MYO5A: variants seen among roughly 807,000 people sequenced by gnomAD.
MYO5A encodes the protein unconventional myosin-Va.
MYO5A carries 98 observed loss-of-function variants against 249.7 expected under a neutral mutation model. That is an observed-to-expected ratio of 0.39 (90% CI 0.33 to 0.46). MYO5A has a LOEUF of 0.46. Ranked by LOEUF, MYO5A falls within the 20% of genes least tolerant of loss-of-function variation. The pLI is 0.98. For missense variants in MYO5A, 1,696 were observed against 2,308.8 expected (o/e 0.73, Z 5.44); for synonymous variants, 778 against 810.6 (o/e 0.96, Z 0.68).
intron 1 of MYO5A, among the ~76,000 whole-genome samples, chr15:52,508,882 C>T (rs1438321718): frequency 6.6e-6 from 1 of 152,016 alleles, no homozygotes; most frequent in African/African-American, 2.4e-5. Context: ...TTCTTATCTA[C>T]CAAAAAAAAC....
chr15:52,498,098 C>T (rs750511405), intron 1 of MYO5A, among the ~76,000 whole-genome samples: 3 of 151,926 alleles, frequency 2.0e-5, no homozygotes, highest in Non-Finnish European at 4.4e-5. Flanking sequence ...ACAACAAAAA[C>T]TCATAATCAG....
At chr15:52,421,253 C>G (rs890411191) in intron 4 of MYO5A, among the ~76,000 whole-genome samples, 2 of 152,110 alleles carry the variant, frequency 1.3e-5, no homozygotes, top group African/African-American at 4.8e-5. Context: ...CCGTGGCACA[C>G]CCTGAGACCA....
rs1289883007 is a variant in MYO5A, at chr15:52,308,059, A to C, written c.*5637T>G. ...AACTGCTGACTCTGAAAAATGCATA[A>C]AAATATACTAACCTGCCAAGCACTG... On this transcript the variant is annotated 3_prime_UTR_variant, in exon 42 of 42. Transcript: ENST00000399233. 1 of 152,194 alleles carries C rather than the reference A, an allele frequency of 6.6e-6. No individual in the cohort carries two copies. Among genetic ancestry groups the C allele is most frequent in the Non-Finnish European group, 1.5e-5 (1 of 68,012 alleles). The allele number at this position is 152,194 out of a possible 1,614,324, so 9.4% of individuals were successfully genotyped here. A position where few individuals can be genotyped will look rare whatever the true frequency, so the allele number is the denominator to read the frequency against.
intron 35 of MYO5A, among the ~76,000 whole-genome samples, 172 bp from the exon 36 acceptor site, chr15:52,328,178 G>A (rs2038697968): frequency 6.6e-6 from 1 of 152,300 alleles, no homozygotes; most frequent in South Asian, 2.1e-4. Context: ...GGAATGTGGA[G>A]CATGTCCATA....
intron 1 of MYO5A, among the ~76,000 whole-genome samples, chr15:52,515,887 T>C (rs2077485789): frequency 6.6e-6 from 1 of 151,788 alleles, no homozygotes; most frequent in Admixed American, 6.6e-5. Flanking sequence ...TAAGGTGCAA[T>C]AGGAGGTAAG....
chr15:52,438,134 C>T, intron 1 of MYO5A: 2 of 797,354 alleles, frequency 2.5e-6, no homozygotes, highest in Non-Finnish European at 3.0e-6. Context: ...ACCTTAGATG[C>T]TGAAACAGGG....
At chr15:52,485,397 T>C (rs2076798961) in intron 1 of MYO5A, among the ~76,000 whole-genome samples, 1 of 152,150 alleles carries the variant, frequency 6.6e-6, no homozygotes. Flanking sequence ...ATTAGAATCC[T>C]AGAGAGTTCA....
chr15:52,339,562 ACAGT>A (rs966586120), intron 32 of MYO5A, among the ~76,000 whole-genome samples: 23 of 152,212 alleles, frequency 1.5e-4, no homozygotes, highest in Admixed American at 1.2e-3. Flanking sequence ...AGAAAAGAAA[ACAGT>A]CAGACTCCAT....
intron 18 of MYO5A, among the ~76,000 whole-genome samples, chr15:52,378,322 A>T (rs1413545448): frequency 2.0e-5 from 3 of 151,882 alleles, no homozygotes; most frequent in African/African-American, 7.3e-5. Context: ...GGAGTTCAAG[A>T]CCAGCCTGGC....
chr15:52,316,467 A>C (rs1057207218), intron 40 of MYO5A, among the ~76,000 whole-genome samples: 11 of 152,084 alleles, frequency 7.2e-5, no homozygotes, highest in African/African-American at 2.7e-4. Flanking sequence ...CTTACTACAG[A>C]ATTTGCTAGA....
intron 1 of MYO5A, among the ~76,000 whole-genome samples, chr15:52,496,557 G>A (rs2077041668): frequency 6.6e-6 from 1 of 152,146 alleles, no homozygotes; most frequent in Admixed American, 6.5e-5. Context: ...TATTCATTAA[G>A]GAAGAAAAGC....
chr15:52,338,315 T>C (rs945058466), intron 32 of MYO5A, among the ~76,000 whole-genome samples: 4 of 151,782 alleles, frequency 2.6e-5, no homozygotes, highest in African/African-American at 9.7e-5. Flanking sequence ...TGTTAGCTTG[T>C]GAAGCTGGAG....
chr15:52,432,560 T>C (rs949648832), intron 2 of MYO5A, among the ~76,000 whole-genome samples: 16 of 152,204 alleles, frequency 1.1e-4, no homozygotes, highest in Non-Finnish European at 1.9e-4. Context: ...CTTAATGACT[T>C]TGAAGTTTGG....
intron 27 of MYO5A, 78 bp from the exon 28 acceptor site, chr15:52,351,559 G>A: frequency 1.4e-6 from 2 of 1,386,748 alleles, no homozygotes; most frequent in East Asian, 4.6e-5. Context: ...TCCCAAGCTG[G>A]TAGAAGAATT....
intron 11 of MYO5A, among the ~76,000 whole-genome samples, chr15:52,392,486 G>A (rs1476586244): frequency 1.3e-5 from 2 of 152,216 alleles, no homozygotes; most frequent in African/African-American, 4.8e-5. Context: ...AATGCTTTCA[G>A]CATAACAAAG....
chr15:52,338,137 C>T (rs1292742410), intron 32 of MYO5A, among the ~76,000 whole-genome samples: 1 of 151,048 alleles, frequency 6.6e-6, no homozygotes, highest in African/African-American at 2.5e-5. Context: ...ACTTAGCAGG[C>T]CCAGATAAGG....
At chr15:52,383,962 C>T (rs1032065795) in intron 15 of MYO5A, among the ~76,000 whole-genome samples, 199 bp downstream of exon 15, 3 of 152,176 alleles carry the variant, frequency 2.0e-5, no homozygotes, top group African/African-American at 2.4e-5. Flanking sequence ...AAAATTATTT[C>T]GGGAAAGGCT....
At position 52,392,019 on chromosome 15, in the gene MYO5A, T is replaced by C. The variant is rs1192605843; in HGVS notation, c.1453A>G (p.Thr485Ala). ...TGATTATCATAAAAATCTATGAGTG[T>C]CCATGGAATTTGTTCCTTCATATAT... The part of the protein sequence containing the change: ...EEYMKEQIPW[T>A]LIDFYDNQPC... The change falls in exon 12 of 42, where the codon ACA becomes GCA. Residue 485 changes from threonine (T) to alanine (A), a missense_variant. By Grantham distance (58) the Thr-to-Ala change is moderately conservative. This residue lies in a region of MYO5A where 277 missense variants were observed against 422.4 expected (regional missense o/e 0.66). Transcript: ENST00000399233. 4 of 1,611,604 alleles carry C rather than the reference T, an allele frequency of 2.5e-6. No homozygotes were observed. The South Asian group carries it at 4.4e-5, about 18-fold the overall frequency.
intron 1 of MYO5A, among the ~76,000 whole-genome samples, chr15:52,500,385 T>C (rs1314988252): frequency 6.9e-6 from 1 of 144,880 alleles, no homozygotes; most frequent in African/African-American, 2.6e-5. Flanking sequence ...TCGCTCTTTT[T>C]ACCCGAGCTG....
Sources: allele counts gnomAD v4.1 joint callset (sites outside exome capture counted in the v4.1 genomes callset), GRCh38; gene constraint gnomAD v4.1.1; regional missense constraint gnomAD v4.1.1; transcripts MANE v1.5; gene names NCBI Gene and HGNC (gene_info 2026-07-23, HGNC 2026-07-21).